BMERB1: variants seen among roughly 807,000 people sequenced by gnomAD.
The protein encoded by BMERB1 is bMERB domain containing 1.
In BMERB1, 12 loss-of-function variants were observed where a neutral mutation model predicts 23.6. The ratio of observed to expected loss-of-function variants is 0.51; its 90% CI spans 0.33 to 0.82. BMERB1 has a LOEUF of 0.82. Ranked by LOEUF, BMERB1 falls within the 40% of genes least tolerant of loss-of-function variation. The pLI is 0.03. For synonymous variants in BMERB1, 122 were observed against 96.6 expected, an observed-to-expected ratio of 1.26 and a Z score of -1.54; for missense variants, 247 against 255.4, an observed-to-expected ratio of 0.97 and a Z score of 0.22.
In BMERB1 at chr16:15,581,437, G is replaced by T. The variant is rs1015329885; in HGVS notation, c.419+106G>T. On this transcript the variant is annotated intron_variant, in intron 4 of 5. Transcript: ENST00000300006. ...TGGGACTCACAGCCTTGCCTAACAG[G>T]CATGGCCTTGATCCACAGTCTCTGG... 4.6e-6 allele frequency: 4 copies of T among 865,500 alleles called. No individual in the cohort carries two copies. In the African/African-American group the frequency reaches 6.8e-5, roughly 15 times the overall value. 53.6% of individuals were successfully genotyped at this position (865,500 alleles called of 1,614,324 possible).
At chr16:15,491,744 G>A (rs939887513) in intron 1 of BMERB1, among the ~76,000 whole-genome samples, 1 of 151,972 alleles carries the variant, frequency 6.6e-6, no homozygotes, top group Non-Finnish European at 1.5e-5. Flanking sequence ...TTCCCCCTCC[G>A]TCTTCCCAGG....
intron 1 of BMERB1, among the ~76,000 whole-genome samples, chr16:15,444,447 A>T: frequency 6.6e-6 from 1 of 151,976 alleles, no homozygotes; most frequent in East Asian, 1.9e-4. Flanking sequence ...GTGATCTTGG[A>T]CAATTGGCCT....
At chr16:15,567,268 C>T (rs918756207) in intron 2 of BMERB1, among the ~76,000 whole-genome samples, 4 of 152,010 alleles carry the variant, frequency 2.6e-5, no homozygotes, top group Non-Finnish European at 4.4e-5. Flanking sequence ...CATACTAAAC[C>T]GTTGACAATG....
chr16:15,505,275 A>G (rs1444986448), intron 1 of BMERB1, among the ~76,000 whole-genome samples: 1 of 152,200 alleles, frequency 6.6e-6, no homozygotes, highest in Non-Finnish European at 1.5e-5. Context: ...TGTACCATCA[A>G]ACAGCAATGA....
intron 3 of BMERB1, among the ~76,000 whole-genome samples, chr16:15,580,549 CTTTTTTTTTT>C (rs35826126): frequency 7.2e-6 from 1 of 138,710 alleles, no homozygotes; most frequent in African/African-American, 2.7e-5. Context: ...AGCTCAAGTG[CTTTTTTTTTT>C]TTTTTTGAGA....
chr16:15,435,736 C>T (rs1465268377), intron 1 of BMERB1, among the ~76,000 whole-genome samples: 1 of 152,186 alleles, frequency 6.6e-6, no homozygotes, highest in African/African-American at 2.4e-5. Flanking sequence ...CTTATTCTGT[C>T]CTCACCTGGT....
chr16:15,480,329 T>C (rs1346947047), intron 1 of BMERB1, among the ~76,000 whole-genome samples: 1 of 151,928 alleles, frequency 6.6e-6, no homozygotes, highest in African/African-American at 2.4e-5. Context: ...TTAGCCAGGA[T>C]GGTCTCAATC....
intron 2 of BMERB1, among the ~76,000 whole-genome samples, chr16:15,516,460 C>A (rs1443045841): frequency 1.3e-5 from 2 of 152,034 alleles, no homozygotes; most frequent in Admixed American, 1.3e-4. Flanking sequence ...ATAAAAACAT[C>A]AAATTAAAAT....
chr16:15,538,863 G>A (rs1389672023), intron 2 of BMERB1, among the ~76,000 whole-genome samples: 1 of 152,124 alleles, frequency 6.6e-6, no homozygotes. Flanking sequence ...GGCCCATGTT[G>A]TAGCTAAAAC....
chr16:15,452,872 G>A (rs764723302), intron 1 of BMERB1, among the ~76,000 whole-genome samples: 11 of 152,270 alleles, frequency 7.2e-5, no homozygotes, highest in Middle Eastern at 3.4e-3. Flanking sequence ...AGCATTTCAC[G>A]GGTGAGGTGT....
At chr16:15,552,505 T>C (rs138354033) in intron 2 of BMERB1, among the ~76,000 whole-genome samples, 2 of 148,260 alleles carry the variant, frequency 1.3e-5, no homozygotes, top group African/African-American at 5.0e-5. Flanking sequence ...TTCAAAGGAG[T>C]GAAGGATGTG....
At chr16:15,437,187 C>G (rs2050895726) in intron 1 of BMERB1, among the ~76,000 whole-genome samples, 2 of 152,094 alleles carry the variant, frequency 1.3e-5, no homozygotes, top group African/African-American at 4.8e-5. Flanking sequence ...TATGTGGCAG[C>G]CCTGTTGCTC....
intron 3 of BMERB1, among the ~76,000 whole-genome samples, chr16:15,573,694 G>A (rs959779563): frequency 6.6e-6 from 1 of 152,204 alleles, no homozygotes; most frequent in Non-Finnish European, 1.5e-5. Context: ...GCCTCCAGCT[G>A]CATGATTCCT....
At chr16:15,546,967 T>A (rs1310340556) in intron 2 of BMERB1, among the ~76,000 whole-genome samples, 2 of 152,096 alleles carry the variant, frequency 1.3e-5, no homozygotes, top group Non-Finnish European at 2.9e-5. Context: ...TGTTGGAGGA[T>A]TTCTGTTACA....
At chr16:15,555,927 C>G (rs372166378) in intron 2 of BMERB1, among the ~76,000 whole-genome samples, 1 of 152,144 alleles carries the variant, frequency 6.6e-6, no homozygotes, top group East Asian at 1.9e-4. Context: ...TGCCTGTAAT[C>G]CCAGCACTTT....
intron 2 of BMERB1, among the ~76,000 whole-genome samples, chr16:15,527,042 G>A (rs527862094): frequency 6.6e-6 from 1 of 150,406 alleles, no homozygotes; most frequent in Non-Finnish European, 1.5e-5. Context: ...CTTATATGTA[G>A]TTTGCACACA....
intron 2 of BMERB1, among the ~76,000 whole-genome samples, chr16:15,563,258 C>T (rs956643886): frequency 1.3e-5 from 2 of 152,034 alleles, no homozygotes; most frequent in African/African-American, 2.4e-5. Context: ...GACGGAGACT[C>T]GCTCTGTTGC....
intron 3 of BMERB1, among the ~76,000 whole-genome samples, chr16:15,571,309 T>G (rs755379791): frequency 6.6e-5 from 10 of 151,684 alleles, no homozygotes; most frequent in Admixed American, 3.9e-4. Flanking sequence ...CAATTCACTA[T>G]ACCAAAAGGA....
chr16:15,464,546 T>C (rs2051165561), intron 1 of BMERB1, among the ~76,000 whole-genome samples: 1 of 152,184 alleles, frequency 6.6e-6, no homozygotes, highest in African/African-American at 2.4e-5. Flanking sequence ...CTTGTGGTTA[T>C]GTCTTGATCG....
Sources: gnomAD v4.1 joint callset for allele counts (sites outside exome capture counted in the v4.1 genomes callset) on GRCh38, gnomAD v4.1.1 for gene constraint, MANE v1.5 for transcripts, NCBI Gene and HGNC (gene_info 2026-07-23, HGNC 2026-07-21) for gene names.